The following ARHGEF18 variants were observed in gnomAD, a reference collection of about 807,000 sequenced individuals.
The protein encoded by ARHGEF18 is Rho/Rac guanine nucleotide exchange factor 18, also known as rho guanine nucleotide exchange factor 18.
Under a neutral mutation model 155.7 loss-of-function variants are expected in ARHGEF18, and 93 were observed. That is an observed-to-expected ratio of 0.60 (90% CI 0.50 to 0.71). The LOEUF is 0.71. Among genes scored for constraint, ARHGEF18 ranks in the 30% least tolerant of loss-of-function variants. The probability of loss-of-function intolerance (pLI) is 0.00; values close to 1 mark genes in which losing one functional copy is unlikely to be tolerated. For missense variants in ARHGEF18, 1,593 were observed against 1,816.1 expected, an observed-to-expected ratio of 0.88 and a Z score of 2.23; for synonymous variants, 742 against 753.1, an observed-to-expected ratio of 0.99 and a Z score of 0.24.
chr19:7,426,900 A>C (rs1012139154), intron 10 of ARHGEF18, among the ~76,000 whole-genome samples: 2 of 152,166 alleles, frequency 1.3e-5, no homozygotes, highest in Admixed American at 1.3e-4. Context: ...TTATGCTGTC[A>C]AATATTCTAA....
chr19:7,353,318 G>C (rs1389960583), intron 1 of ARHGEF18, among the ~76,000 whole-genome samples: 6 of 152,010 alleles, frequency 3.9e-5, no homozygotes, highest in Non-Finnish European at 7.4e-5. Flanking sequence ...GCTGGGTGCA[G>C]TGGCTCACGC....
chr19:7,464,772 C>A, intron 23 of ARHGEF18, 82 bp downstream of exon 23: 1 of 1,550,736 alleles, frequency 6.4e-7, no homozygotes, highest in Non-Finnish European at 8.8e-7. Flanking sequence ...TGGGGTTGTC[C>A]AGTTTTAGTC....
At chr19:7,360,626 C>T (rs953868318) in intron 1 of ARHGEF18, among the ~76,000 whole-genome samples, 2 of 152,210 alleles carry the variant, frequency 1.3e-5, no homozygotes, top group African/African-American at 4.8e-5. Flanking sequence ...CAGGAGGCCT[C>T]AGGCCTCCAC....
Position 7,373,809 on chromosome 19 carries a change from C to T in ARHGEF18, c.275+738C>T, listed in dbSNP as rs1480001668. 7.3e-5 allele frequency among the ~76,000 whole-genome samples: 11 copies of T among 150,010 alleles called. 1 individual carries two copies. The highest frequency in any genetic ancestry group is 2.0e-4 in the Admixed American group (3 of 14,992). The stretch of plus-strand genomic sequence containing the variant: ...TAAGGAGTGTGCAACCTAGATCCCT[C>T]GCATGTGCCGTTCACAATACAGTTC... On this transcript the variant is annotated intron_variant, in intron 3 of 28. Transcript: ENST00000668164.
intron 10 of ARHGEF18, among the ~76,000 whole-genome samples, chr19:7,410,465 G>A (rs1972608545): frequency 6.6e-6 from 1 of 151,600 alleles, no homozygotes; most frequent in Non-Finnish European, 1.5e-5. Flanking sequence ...TTTCAGCTAT[G>A]TAACTAGACC....
At chr19:7,443,945 G>A (rs958697577) in intron 13 of ARHGEF18, among the ~76,000 whole-genome samples, 9 of 151,998 alleles carry the variant, frequency 5.9e-5, no homozygotes, top group African/African-American at 2.2e-4. Context: ...GTCGTCCGTT[G>A]GGTTGACACT....
At chr19:7,401,093 T>C (rs566647145) in intron 10 of ARHGEF18, among the ~76,000 whole-genome samples, 1 of 152,268 alleles carries the variant, frequency 6.6e-6, no homozygotes, top group East Asian at 1.9e-4. Flanking sequence ...CTGGACTCAT[T>C]AGTTCCCTTA....
intron 1 of ARHGEF18, among the ~76,000 whole-genome samples, chr19:7,353,638 A>C (rs180957831): frequency 1.2e-4 from 18 of 151,732 alleles, no homozygotes; most frequent in Non-Finnish European, 1.5e-5. Context: ...AAAGAAATAG[A>C]TATCCCTGTT....
intron 10 of ARHGEF18, among the ~76,000 whole-genome samples, chr19:7,435,073 G>C (rs534082736): frequency 1.3e-5 from 2 of 152,186 alleles, no homozygotes; most frequent in Non-Finnish European, 2.9e-5. Context: ...GTGGTGGCAG[G>C]CACCTGTAAT....
At chr19:7,362,178 GAA>G (rs1491432287) in intron 1 of ARHGEF18, among the ~76,000 whole-genome samples, 3 of 118,490 alleles carry the variant, frequency 2.5e-5, no homozygotes, top group Non-Finnish European at 4.7e-5. Context: ...AGAAGAAGGA[GAA>G]GAAGGAGAAG....
intron 10 of ARHGEF18, among the ~76,000 whole-genome samples, chr19:7,389,020 C>G (rs1303848928): frequency 6.6e-6 from 1 of 152,032 alleles, no homozygotes; most frequent in Non-Finnish European, 1.5e-5. Context: ...GAGTCTCACT[C>G]TGTTGCCCAG....
chr19:7,461,373 A>T (rs1338028487), intron 20 of ARHGEF18, among the ~76,000 whole-genome samples: 1 of 151,812 alleles, frequency 6.6e-6, no homozygotes, highest in Non-Finnish European at 1.5e-5. Context: ...AGATGGCAAA[A>T]CCCCGTTTCT....
chr19:7,387,079 G>A (rs1291857398), intron 10 of ARHGEF18, among the ~76,000 whole-genome samples: 1 of 152,082 alleles, frequency 6.6e-6, no homozygotes, highest in Non-Finnish European at 1.5e-5. Context: ...TGCGACCTTG[G>A]AAAAGTTCGG....
At chr19:7,479,251 A>T in the ARHGEF18 span, among the ~76,000 whole-genome samples, 1 of 152,314 alleles carries the variant, frequency 6.6e-6, no homozygotes, top group African/African-American at 2.4e-5. Context: ...TGGGAGGCCA[A>T]GGCCGGTGGA....
chr19:7,447,059 G>C lies in ARHGEF18; in HGVS notation c.1628G>C (p.Gly543Ala), dbSNP rs759205646. 3 of 1,613,250 alleles carry C rather than the reference G, an allele frequency of 1.9e-6. No homozygotes were observed. Among genetic ancestry groups the C allele is most frequent in the Non-Finnish European group, 2.5e-6 (3 of 1,179,802 alleles). ...GTTTATCAGTTTTCAGGTGAAAATGGGGAGAGAATGAAAGAAAAGTACGGT... is the reference window on the plus strand; with the variant it reads ...GTTTATCAGTTTTCAGGTGAAAATGCGGAGAGAATGAAAGAAAAGTACGGT... ...LLVQQFSGEN[G>A]ERMKEKYGVF... is the part of the protein sequence containing the mutation. The change falls in exon 15 of 29, where the codon GGG (glycine) becomes GCG (alanine). Residue 543 changes from glycine (G) to alanine (A), a missense_variant. By Grantham distance (60) the Gly-to-Ala change is moderately conservative (BLOSUM62 0). Transcript: ENST00000668164.
intron 10 of ARHGEF18, among the ~76,000 whole-genome samples, chr19:7,385,874 C>CTCCCTCTCTCTCTCTCCCTCTCTCTCTCT (rs1971015016): frequency 1.6e-5 from 1 of 61,254 alleles, no homozygotes. Flanking sequence ...TCTCTCTCCC[C>CTCCCTCTCTCTCTCTCCCTCTCTCTCTCT]CCTCCCTCTC....
chr19:7,413,425 C>T (rs1303337750), intron 10 of ARHGEF18, among the ~76,000 whole-genome samples: 1 of 151,934 alleles, frequency 6.6e-6, no homozygotes, highest in East Asian at 1.9e-4. Flanking sequence ...CCTCAGCCTC[C>T]CAAGTAGCTG....
chr19:7,441,811 T>C, intron 12 of ARHGEF18, 46 bp downstream of exon 12: 1 of 1,612,526 alleles, frequency 6.2e-7, no homozygotes, highest in South Asian at 1.1e-5. Flanking sequence ...AGTTCCTGTC[T>C]CTCCTGGGAA....
intron 10 of ARHGEF18, among the ~76,000 whole-genome samples, chr19:7,393,908 C>G (rs1971537419): frequency 6.7e-6 from 1 of 150,274 alleles, no homozygotes; most frequent in African/African-American, 2.5e-5. Context: ...TGCCTGGGTG[C>G]CTGTGTTTAG....
Sources: allele counts gnomAD v4.1 joint callset (sites outside exome capture counted in the v4.1 genomes callset), GRCh38; gene constraint gnomAD v4.1.1; transcripts MANE v1.5; gene names NCBI Gene and HGNC (gene_info 2026-07-23, HGNC 2026-07-21).